The following BCAS3 variants were observed in gnomAD, a reference collection of about 807,000 sequenced individuals.
BCAS3 encodes the protein BCAS4/BCAS3 fusion.
Under a neutral mutation model 116.1 loss-of-function variants are expected in BCAS3, and 53 were observed. The observed-to-expected ratio is 0.46, with a 90% CI of 0.37 to 0.57. The LOEUF (loss-of-function observed/expected upper bound fraction) is 0.57. Ranked by LOEUF, BCAS3 falls within the 20% of genes least tolerant of loss-of-function variation. The pLI, the probability that BCAS3 is intolerant of heterozygous loss-of-function variation, is 0.00. For synonymous variants in BCAS3, 391 were observed against 408.2 expected (o/e 0.96, Z 0.51); for missense variants, 917 against 1,165.4 (o/e 0.79, Z 3.10).
intron 14 of BCAS3, among the ~76,000 whole-genome samples, chr17:60,981,530 G>T (rs1309014817): frequency 6.6e-6 from 1 of 152,136 alleles, no homozygotes; most frequent in Non-Finnish European, 1.5e-5. Context: ...TGATCTGCCT[G>T]CCTTGGCTTT....
intron 9 of BCAS3, among the ~76,000 whole-genome samples, chr17:60,886,726 T>C (rs2056673284): frequency 6.6e-6 from 1 of 152,144 alleles, no homozygotes. Flanking sequence ...AGTGTGCTCC[T>C]GCTGGGGGGT....
chr17:60,828,057 T>G (rs1165775337), intron 7 of BCAS3, among the ~76,000 whole-genome samples: 1 of 152,136 alleles, frequency 6.6e-6, no homozygotes, highest in Non-Finnish European at 1.5e-5. Flanking sequence ...GGATGCAGTC[T>G]TGACATATAA....
rs1051028773 is a variant in BCAS3, at chr17:61,013,616, G to A, written c.1487-2135G>A. Among the ~76,000 whole-genome samples the A allele has an allele frequency of 1.3e-5, 2 of 151,984 alleles. No individual in the cohort carries two copies. The highest frequency in any genetic ancestry group is 4.8e-5 in the African/African-American group (2 of 41,388). On this transcript the variant is annotated intron_variant, in intron 15 of 23. Coordinates refer to ENST00000407086, the MANE Select transcript of BCAS3 (RefSeq NM_017679.5). The surrounding 1 kb of genome is among the most constrained non-coding windows in gnomAD (Gnocchi z 4.4). ...GTGTGTATTGTGAATTCTGTCTTTT[G>A]TTATTCCTGCAACAGGTGTAGATGG...
chr17:61,255,619 G>A (rs1347444734), intron 22 of BCAS3, among the ~76,000 whole-genome samples: 1 of 152,188 alleles, frequency 6.6e-6, no homozygotes, highest in Non-Finnish European at 1.5e-5. Context: ...TTGTACTTTT[G>A]TCTGGGTAGT....
chr17:60,788,913 A>G (rs896816295), intron 6 of BCAS3, among the ~76,000 whole-genome samples: 18 of 152,222 alleles, frequency 1.2e-4, no homozygotes. Context: ...GATAAAATTT[A>G]GATTTGCAAA....
intron 5 of BCAS3, among the ~76,000 whole-genome samples, chr17:60,738,395 G>A (rs923963864): frequency 7.2e-5 from 11 of 152,134 alleles, no homozygotes; most frequent in African/African-American, 9.7e-5. Context: ...AAGCACATAT[G>A]TAGTAAGCAC....
intron 22 of BCAS3, among the ~76,000 whole-genome samples, chr17:61,357,746 A>AT (rs561353859): frequency 6.7e-6 from 1 of 148,940 alleles, no homozygotes; most frequent in African/African-American, 2.4e-5. Context: ...CCGGCCAAAA[A>AT]TTTTTTTAAA....
At chr17:60,750,405 G>C (rs2042358322) in intron 6 of BCAS3, among the ~76,000 whole-genome samples, 1 of 152,050 alleles carries the variant, frequency 6.6e-6, no homozygotes, top group East Asian at 1.9e-4. Context: ...TATATTGAAT[G>C]CTTTCCTGCT....
chr17:61,030,866 T>A (rs1197265784), intron 16 of BCAS3, among the ~76,000 whole-genome samples: 2 of 151,860 alleles, frequency 1.3e-5, no homozygotes, highest in Non-Finnish European at 2.9e-5. Context: ...TGGGGTTATG[T>A]GTGAAAAACT....
At chr17:60,732,926 A>C (rs2040606235) in intron 5 of BCAS3, among the ~76,000 whole-genome samples, 1 of 152,216 alleles carries the variant, frequency 6.6e-6, no homozygotes, top group African/African-American at 2.4e-5. Context: ...ATTTCTACGT[A>C]TTAAATATTA....
At chr17:60,815,882 G>T (rs1439112302) in intron 7 of BCAS3, among the ~76,000 whole-genome samples, 5 of 152,148 alleles carry the variant, frequency 3.3e-5, no homozygotes, top group Non-Finnish European at 5.9e-5. Context: ...TAAGCGCAGT[G>T]CCCTATATCT....
Position 61,204,369 on chromosome 17 carries a change from G to A in BCAS3, c.2425+119805G>A, listed in dbSNP as rs117355918. Among the ~76,000 whole-genome samples the A allele has an allele frequency of 6.0e-3, 913 of 152,280 alleles. 3 individuals are homozygous for A. Among genetic ancestry groups the A allele is most frequent in the Non-Finnish European group, 0.011 (727 of 68,018 alleles). On this transcript the variant is annotated intron_variant, in intron 22 of 23. Coordinates refer to ENST00000407086, the MANE Select transcript of BCAS3 (RefSeq NM_017679.5). This position sits in a 1 kb window ranked among gnomAD's most constrained non-coding sequence, Gnocchi z 4.2. ...AGATTCTAGATATCACATTTTACGG[G>A]ACCTTTACATTTAGTTCACTATTTT...
At chr17:61,092,861 T>C (rs527453969) in intron 22 of BCAS3, among the ~76,000 whole-genome samples, 1 of 151,962 alleles carries the variant, frequency 6.6e-6, no homozygotes, top group East Asian at 1.9e-4. Flanking sequence ...GTTTTTTCCT[T>C]TTATGTTTTC....
rs2058846968 is a variant in BCAS3 at position 61,368,265 on chromosome 17, A to G, written c.2426-62A>G. On this transcript the variant is annotated intron_variant, in intron 22 of 23. Coordinates refer to ENST00000407086, the MANE Select transcript of BCAS3 (RefSeq NM_017679.5). The surrounding 1 kb of genome is among the most constrained non-coding windows in gnomAD (Gnocchi z 6.0). The stretch of plus-strand genomic sequence containing the variant: ...ATGGAGAGGAGCGGGTGGGAGGTAG[A>G]CAAGAATGGCCTGCTCCCTGAAGGT... 6.6e-7 allele frequency: 1 copy of G among 1,513,522 alleles called. No individual in the cohort carries two copies. Among genetic ancestry groups the G allele is most frequent in the Non-Finnish European group, 8.9e-7 (1 of 1,118,990 alleles). The allele number at this position is 1,513,522 out of a possible 1,614,324, so 93.8% of individuals were successfully genotyped here.
intron 5 of BCAS3, among the ~76,000 whole-genome samples, chr17:60,732,816 C>T (rs982641861): frequency 8.6e-5 from 13 of 151,860 alleles, no homozygotes; most frequent in Admixed American, 6.6e-4. Flanking sequence ...TCCAGCCTGG[C>T]GACAGAGCGA....
rs779372499 is a variant in BCAS3, at chr17:60,881,440, C to CT, written c.661+6714dup. ...TCATTCTAAGAATTTAATTGTTTAA[C>CT]TTTTTTTTTTTTATTATACTTTAAG... is the stretch of plus-strand genomic sequence containing the variant. On this transcript the variant is annotated intron_variant, in intron 9 of 23. Coordinates refer to ENST00000407086, the MANE Select transcript of BCAS3 (RefSeq NM_017679.5). Among the ~76,000 whole-genome samples, 873 of 146,592 alleles carry CT rather than the reference C, an allele frequency of 6.0e-3. 4 individuals are homozygous for CT. Among genetic ancestry groups the CT allele is most frequent in the African/African-American group, 0.019 (784 of 40,364 alleles).
chr17:60,813,535 G>A (rs1360896564), intron 7 of BCAS3, among the ~76,000 whole-genome samples: 1 of 152,128 alleles, frequency 6.6e-6, no homozygotes, highest in East Asian at 1.9e-4. Flanking sequence ...TGCATAGTTA[G>A]TGAATATTTG....
chr17:61,166,391 C>CTT (rs748083151), intron 22 of BCAS3, among the ~76,000 whole-genome samples: 77 of 33,738 alleles, frequency 2.3e-3, no homozygotes, highest in East Asian at 0.017. Flanking sequence ...CTCTCTCTCT[C>CTT]TTTTTTTTTT....
rs2075604500 is a variant in BCAS3, at chr17:61,118,432, A to G, written c.2425+33868A>G. On this transcript the variant is annotated intron_variant, in intron 22 of 23. Coordinates refer to ENST00000407086, the MANE Select transcript of BCAS3 (RefSeq NM_017679.5). This position sits in a 1 kb window ranked among gnomAD's most constrained non-coding sequence, Gnocchi z 5.0. The stretch of plus-strand genomic sequence containing the variant: ...TACTGCCAAGCAGGGGTGAAAATCC[A>G]GACTCCCCATTTGTCCTGCACCAAA... Among the ~76,000 whole-genome samples, 1 of 152,222 alleles carries G rather than the reference A, an allele frequency of 6.6e-6. No individual in the cohort carries two copies. The highest frequency in any genetic ancestry group is 2.1e-4 in the South Asian group (1 of 4,828).
Sources: allele counts gnomAD v4.1 joint callset (sites outside exome capture counted in the v4.1 genomes callset), GRCh38; gene constraint gnomAD v4.1.1; non-coding constraint Gnocchi (gnomAD v3.1); transcripts MANE v1.5; gene names NCBI Gene and HGNC (gene_info 2026-07-23, HGNC 2026-07-21).